Variants in XRCC1 observed in about 807,000 individuals in gnomAD.
XRCC1 encodes the protein X-ray repair cross complementing 1.
A neutral mutation model predicts 83.3 loss-of-function variants in XRCC1; 52 were observed. That is an observed-to-expected ratio of 0.62 (90% CI 0.50 to 0.79). The LOEUF (loss-of-function observed/expected upper bound fraction) is 0.79. Ranked by LOEUF, XRCC1 falls within the 30% of genes least tolerant of loss-of-function variation. The probability of loss-of-function intolerance (pLI) is 0.00; values close to 1 mark genes in which losing one functional copy is unlikely to be tolerated. For synonymous variants in XRCC1, 281 were observed against 312.6 expected (o/e 0.90, Z 1.07); for missense variants, 793 against 823.5 (o/e 0.96, Z 0.45).
chr19:43,563,568 C>G (rs1451384550), intron 2 of XRCC1, among the ~76,000 whole-genome samples: 1 of 152,148 alleles, frequency 6.6e-6, no homozygotes, highest in African/African-American at 2.4e-5. Context: ...GGCTTGGTGA[C>G]TTTCCACCAG....
In XRCC1 at chr19:43,560,931, G is replaced by A. The variant is rs41558313; in HGVS notation, c.234C>T (p.Gly78=). The A allele has an allele frequency of 1.6e-4, 256 of 1,614,056 alleles. 1 individual carries two copies. In the African/African-American group the frequency reaches 2.6e-3, roughly 16 times the overall value. Residue 78 remains glycine (G), a synonymous_variant, in exon 3 of 17, where the codon GGC becomes GGT. Coordinates refer to ENST00000262887, the MANE Select transcript of XRCC1 (RefSeq NM_006297.3). The stretch of plus-strand genomic sequence containing the variant: ...TTACCTCATAGTCTTGCTCCCCAGC[G>A]CCTCCAGCTGAACTGCCCACCAGCA... ...VEVLVGSSAG[G]AGEQDYEVLL... is the part of the protein sequence containing the mutation.
rs45592142 is a variant in XRCC1 at position 43,543,341 on chromosome 19, C to CGTGTGT, written c.*45_*50dup. ...ACCAACTCATCTTTATTAAATGCAT[C>CGTGTGT]GTGTGTGTGTGTGTGTGTGTGTGTG... On this transcript the variant is annotated 3_prime_UTR_variant, in exon 17 of 17. Coordinates refer to ENST00000262887, the MANE Select transcript of XRCC1 (RefSeq NM_006297.3). 3.9e-3 allele frequency: 4,115 copies of CGTGTGT among 1,043,614 alleles called. 20 individuals are homozygous for CGTGTGT. The highest frequency in any genetic ancestry group is 0.018 in the African/African-American group (1,023 of 56,446). The allele number at this position is 1,043,614 out of a possible 1,614,324, so 64.6% of individuals were successfully genotyped here. A position where few individuals can be genotyped will look rare whatever the true frequency, so the allele number is the denominator to read the frequency against.
At chr19:43,554,605 C>G in intron 4 of XRCC1, 41 bp downstream of exon 4, 1 of 1,570,116 alleles carries the variant, frequency 6.4e-7, no homozygotes, top group South Asian at 1.1e-5. Context: ...CCTCCTTGCC[C>G]AGGACCAAGG....
chr19:43,547,376 C>T (rs532562848), intron 10 of XRCC1, among the ~76,000 whole-genome samples: 3 of 151,752 alleles, frequency 2.0e-5, no homozygotes, highest in East Asian at 1.9e-4. Flanking sequence ...AGTAGAGACA[C>T]GGTTTCACCA....
intron 9 of XRCC1, 100 bp downstream of exon 9, chr19:43,551,917 A>G (rs1398731627): frequency 2.3e-6 from 3 of 1,312,684 alleles, no homozygotes; most frequent in African/African-American, 2.9e-5. Context: ...AGAGAGAGAA[A>G]GCATGCAGCA....
intron 10 of XRCC1, among the ~76,000 whole-genome samples, chr19:43,550,933 C>G (rs1431288174): frequency 6.6e-6 from 1 of 152,186 alleles, no homozygotes; most frequent in Non-Finnish European, 1.5e-5. Flanking sequence ...CAGCCTTGCA[C>G]ATTCCAGCCT....
chr19:43,543,335 A>G lies in XRCC1; in HGVS notation c.*57T>C, dbSNP rs563296408. The G allele has an allele frequency of 7.1e-7, 1 of 1,407,292 alleles. No individual in the cohort carries two copies. Among genetic ancestry groups the G allele is most frequent in the Admixed American group, 1.8e-5 (1 of 54,794 alleles). The allele number at this position is 1,407,292 out of a possible 1,614,324, so 87.2% of individuals were successfully genotyped here. Reference sequence around the variant, plus strand: ...ATGAGAACCAACTCATCTTTATTAAATGCATCGTGTGTGTGTGTGTGTGTG... The same window carrying G: ...ATGAGAACCAACTCATCTTTATTAAGTGCATCGTGTGTGTGTGTGTGTGTG... On this transcript the variant is annotated 3_prime_UTR_variant, in exon 17 of 17. Transcript: ENST00000262887.
intron 2 of XRCC1, among the ~76,000 whole-genome samples, 195 bp from the exon 3 acceptor site, chr19:43,561,215 T>C (rs974722391): frequency 2.0e-5 from 3 of 152,120 alleles, no homozygotes; most frequent in Non-Finnish European, 4.4e-5. Flanking sequence ...ACTCACAAAA[T>C]AGTCACTGAA....
intron 3 of XRCC1, chr19:43,555,584 A>G (rs1972628062): frequency 6.6e-6 from 1 of 152,184 alleles, no homozygotes; most frequent in African/African-American, 2.4e-5. Context: ...GCCCTCCTCA[A>G]ACGATCTGAA....
Position 43,552,124 on chromosome 19 carries a change from C to T in XRCC1, c.975G>A (p.Val325=), listed in dbSNP as rs1238138727. The part of the protein sequence containing the change: ...ELGKILQGVV[V]VLSGFQNPFR... ...AGGGGTTCTGGAAGCCACTCAGCAC[C>T]ACTACCACACCCTGAAGGATCTTCC... The change falls in exon 9 of 17, where the codon GTG becomes GTA. Residue 325 remains valine, a synonymous_variant. Coordinates refer to ENST00000262887, the MANE Select transcript of XRCC1 (RefSeq NM_006297.3). 3 of 1,614,122 alleles carry T rather than the reference C, an allele frequency of 1.9e-6. No individual in the cohort carries two copies. Among genetic ancestry groups the T allele is most frequent in the South Asian group, 2.2e-5 (2 of 91,084 alleles).
intron 2 of XRCC1, among the ~76,000 whole-genome samples, chr19:43,570,439 C>T (rs1250675617): frequency 3.3e-5 from 5 of 152,142 alleles, no homozygotes; most frequent in African/African-American, 1.2e-4. Flanking sequence ...GTGGTAAGAT[C>T]GAGATTTTGC....
At chr19:43,559,445 A>C (rs554280625) in intron 3 of XRCC1, among the ~76,000 whole-genome samples, 1 of 133,300 alleles carries the variant, frequency 7.5e-6, no homozygotes, top group East Asian at 2.3e-4. Flanking sequence ...GCGCCACTGC[A>C]CTCCAGCCTG....
chr19:43,569,555 G>A (rs1972787553), intron 2 of XRCC1, among the ~76,000 whole-genome samples: 1 of 151,534 alleles, frequency 6.6e-6, no homozygotes, highest in African/African-American at 2.4e-5. Flanking sequence ...GGCCAAGGCA[G>A]GTGGATCACT....
intron 2 of XRCC1, among the ~76,000 whole-genome samples, chr19:43,570,512 A>C (rs1370085770): frequency 1.3e-5 from 2 of 152,224 alleles, no homozygotes; most frequent in African/African-American, 2.4e-5. Flanking sequence ...GGCCAGGTGC[A>C]GTGGCTCATG....
At chr19:43,544,408 A>AGGTT (rs956031808) in intron 14 of XRCC1, among the ~76,000 whole-genome samples, 174 bp from the exon 15 acceptor site, 3 of 151,996 alleles carry the variant, frequency 2.0e-5, no homozygotes, top group Middle Eastern at 3.2e-3. Flanking sequence ...CTGGGGAGGT[A>AGGTT]GGTTGGTTGG....
chr19:43,572,435 G>A (rs1972814161), intron 2 of XRCC1, among the ~76,000 whole-genome samples: 1 of 152,200 alleles, frequency 6.6e-6, no homozygotes, highest in African/African-American at 2.4e-5. Flanking sequence ...TGAGGTCACC[G>A]ATTAAGAGGA....
At chr19:43,549,697 C>T (rs981960377) in intron 10 of XRCC1, among the ~76,000 whole-genome samples, 1 of 152,124 alleles carries the variant, frequency 6.6e-6, no homozygotes, top group Non-Finnish European at 1.5e-5. Context: ...TCTACGACTA[C>T]AGGTATGTGC....
rs1376947555 is a variant in XRCC1, at chr19:43,552,409, C to A, written c.824-134G>T. On this transcript the variant is annotated intron_variant, in intron 8 of 16. Coordinates refer to ENST00000262887, the MANE Select transcript of XRCC1 (RefSeq NM_006297.3). The stretch of plus-strand genomic sequence containing the variant: ...AGCAATCCAGGCCCCAGCCCCTCCC[C>A]CCTCAGACCCAGGGGTCCAGGCCCC... The A allele has an allele frequency of 3.6e-5, 25 of 692,916 alleles. No homozygotes were observed. In the East Asian group the frequency reaches 4.6e-4, roughly 13 times the overall value. 42.9% of individuals were successfully genotyped at this position (692,916 alleles called of 1,614,324 possible). A position where few individuals can be genotyped will look rare whatever the true frequency, so the allele number is the denominator to read the frequency against.
In XRCC1 at chr19:43,552,166, A is replaced by C; in HGVS notation, c.933T>G (p.Ala311=). The C allele has an allele frequency of 6.2e-7, 1 of 1,614,030 alleles. No homozygotes were observed. The highest frequency in any genetic ancestry group is 8.5e-7 in the Non-Finnish European group (1 of 1,179,956). Residue 311 remains alanine (A), a synonymous_variant, in exon 9 of 17, where the codon GCT becomes GCG. Transcript: ENST00000262887. ...GEGTEPRRPR[A]GPEELGKILQ... is the part of the protein sequence containing the mutation. ...GGATCTTCCCCAGCTCCTCTGGGCC[A>C]GCTCGGGGTCGTCTGGGCTCGGTGC... is the stretch of plus-strand genomic sequence containing the variant.
Sources: gnomAD v4.1 joint callset for allele counts (sites outside exome capture counted in the v4.1 genomes callset) on GRCh38, gnomAD v4.1.1 for gene constraint, MANE v1.5 for transcripts, NCBI Gene and HGNC (gene_info 2026-07-23, HGNC 2026-07-21) for gene names.